Variants in CST5 observed in about 807,000 individuals in gnomAD.
CST5 encodes cystatin D, also known as cystatin-D.
Under a neutral mutation model 11.5 loss-of-function variants are expected in CST5, and 13 were observed. The ratio of observed to expected loss-of-function variants is 1.13; its 90% CI spans 0.73 to 1.79. CST5 has a LOEUF of 1.79. Among genes scored for constraint, CST5 ranks in the 40% most tolerant of loss-of-function variants. The pLI is 0.00. For synonymous variants in CST5, 81 were observed against 67.6 expected, an observed-to-expected ratio of 1.20 and a Z score of -0.97; for missense variants, 219 against 174.5, an observed-to-expected ratio of 1.25 and a Z score of -1.44.
chr20:23,879,516 T>C lies in CST5; in HGVS notation c.161A>G (p.Glu54Gly). The change falls in exon 1 of 3, where the codon GAG becomes GGG. Residue 54 changes from glutamate (E) to glycine (G), a missense_variant. By Grantham distance (98) the Glu-to-Gly change is moderately conservative (BLOSUM62 -2). Coordinates refer to ENST00000304710, the MANE Select transcript of CST5 (RefSeq NM_001900.5). ...VQCALDFAIS[E>G]YNKVINKDEY... ...ATCCTTATTAATGACCTTGTTGTACTCGCTGATGGCAAAGTCCAGGGCACA... is the reference window on the plus strand; with the variant it reads ...ATCCTTATTAATGACCTTGTTGTACCCGCTGATGGCAAAGTCCAGGGCACA... The C allele has an allele frequency of 6.2e-7, 1 of 1,614,022 alleles. No individual in the cohort carries two copies. Among genetic ancestry groups the C allele is most frequent in the Non-Finnish European group, 8.5e-7 (1 of 1,179,992 alleles).
At chr20:23,876,994 A>T (rs551175269) in intron 2 of CST5, among the ~76,000 whole-genome samples, 5 of 152,238 alleles carry the variant, frequency 3.3e-5, no homozygotes, top group Admixed American at 2.0e-4. Context: ...AACCATTACC[A>T]AGCTAAAGTC....
At chr20:23,878,026 G>A (rs1020599174) in intron 1 of CST5, among the ~76,000 whole-genome samples, 1 of 152,184 alleles carries the variant, frequency 6.6e-6, no homozygotes, top group Non-Finnish European at 1.5e-5. Context: ...CTTTCCCACA[G>A]CAAAGGATTA....
chr20:23,876,745 C>G (rs1001207326), intron 2 of CST5, among the ~76,000 whole-genome samples: 1 of 152,124 alleles, frequency 6.6e-6, no homozygotes, highest in Non-Finnish European at 1.5e-5. Context: ...GCAGAGACCT[C>G]GAAAGAAATC....
At chr20:23,876,845 A>T (rs543176952) in intron 2 of CST5, among the ~76,000 whole-genome samples, 1 of 152,302 alleles carries the variant, frequency 6.6e-6, no homozygotes, top group South Asian at 2.1e-4. Context: ...TAATGTGCTC[A>T]GAGTGGCTGT....
At chr20:23,878,706 G>A (rs576128727) in intron 1 of CST5, among the ~76,000 whole-genome samples, 2 of 152,308 alleles carry the variant, frequency 1.3e-5, no homozygotes, top group South Asian at 4.1e-4. Flanking sequence ...GACTTTCCAA[G>A]AGAAGGTGGA....
intron 1 of CST5, among the ~76,000 whole-genome samples, chr20:23,878,756 G>A (rs973108867): frequency 6.6e-6 from 1 of 152,216 alleles, no homozygotes; most frequent in South Asian, 2.1e-4. Context: ...CCCTGTGGTC[G>A]CTGTGTCACT....
At position 23,879,711 on chromosome 20, in the gene CST5, C is replaced by T. The variant is rs776219345; in HGVS notation, c.-35G>A. On this transcript the variant is annotated 5_prime_UTR_variant, in exon 1 of 3. Coordinates refer to ENST00000304710, the MANE Select transcript of CST5 (RefSeq NM_001900.5). The stretch of plus-strand genomic sequence containing the variant: ...GGACACAGAGCAAGGAGCTGGATCT[C>T]CCAGAGAGCAAAGCAGCAGAAGGCT... 2 of 1,591,268 alleles carry T rather than the reference C, an allele frequency of 1.3e-6. No individual in the cohort carries two copies. Among genetic ancestry groups the T allele is most frequent in the Non-Finnish European group, 8.6e-7 (1 of 1,163,466 alleles).
rs556090300 is a variant in CST5, at chr20:23,879,148, G to GCCCA, written c.231+294_231+297dup. ...TGGATCTCATCCTGAGCAGCATCAAGCCCACCCAGAGTCAGCACAGTCTCC... is the reference window on the plus strand; with the variant it reads ...TGGATCTCATCCTGAGCAGCATCAAGCCCACCCACCCAGAGTCAGCACAGTCTCC... On this transcript the variant is annotated intron_variant, in intron 1 of 2. Transcript: ENST00000304710. Among the ~76,000 whole-genome samples, 18 of 152,272 alleles carry GCCCA rather than the reference G, an allele frequency of 1.2e-4. No individual in the cohort carries two copies. In the East Asian group the frequency reaches 3.5e-3, roughly 29 times the overall value.
intron 1 of CST5, among the ~76,000 whole-genome samples, chr20:23,878,337 C>CA (rs1262455525): frequency 2.0e-5 from 3 of 152,166 alleles, no homozygotes; most frequent in Non-Finnish European, 4.4e-5. Context: ...AGGGTTGCAA[C>CA]TTCAGAAGAG....
At chr20:23,878,804 G>T (rs1986017953) in intron 1 of CST5, among the ~76,000 whole-genome samples, 1 of 152,222 alleles carries the variant, frequency 6.6e-6, no homozygotes, top group Admixed American at 6.5e-5. Flanking sequence ...GCTGGGCTCG[G>T]TAGCCCTGCT....
rs572425129 is a variant in CST5, at chr20:23,879,518, G to A, written c.159C>T (p.Ser53=). Residue 53 remains serine (S), a synonymous_variant, in exon 1 of 3, where the codon AGC becomes AGT. Transcript: ENST00000304710. The part of the protein sequence containing the change: ...SVQCALDFAI[S]EYNKVINKDE... ...CCTTATTAATGACCTTGTTGTACTCGCTGATGGCAAAGTCCAGGGCACACT... is the reference window on the plus strand; with the variant it reads ...CCTTATTAATGACCTTGTTGTACTCACTGATGGCAAAGTCCAGGGCACACT... The A allele has an allele frequency of 3.9e-5, 63 of 1,614,006 alleles. No individual in the cohort carries two copies. The highest frequency in any genetic ancestry group is 3.8e-4 in the East Asian group (17 of 44,870).
intron 1 of CST5, 96 bp downstream of exon 1, chr20:23,879,350 C>A (rs562681339): frequency 7.8e-6 from 7 of 892,000 alleles, no homozygotes; most frequent in Middle Eastern, 3.2e-4. Flanking sequence ...AATGAGTCTG[C>A]GGTTTAGATA....
In CST5 at chr20:23,876,230, C is replaced by A. The variant is rs1479693282; in HGVS notation, c.387G>T (p.Glu129Asp). 6.2e-7 allele frequency: 1 copy of A among 1,613,968 alleles called. No individual in the cohort carries two copies. The highest frequency in any genetic ancestry group is 1.7e-5 in the Admixed American group (1 of 60,026). The change falls in exon 3 of 3, where the codon GAG becomes GAT. Residue 129 changes from glutamate to aspartate, a missense_variant. Transcript: ENST00000304710. ...CSFQINEVPW[E>D]DKISILNYKC... The stretch of plus-strand genomic sequence containing the variant: ...TGTAGTTCAGAATGGAAATTTTATC[C>A]TCCCAGGGAACTTCATTGATCTGGA...
intron 1 of CST5, 32 bp from the exon 2 acceptor site, chr20:23,877,650 A>G: frequency 5.2e-6 from 8 of 1,547,328 alleles, no homozygotes; most frequent in South Asian, 2.3e-5. Context: ...AAGCAGGGGC[A>G]GCATGCTGTC....
chr20:23,877,432 C>T (rs1343110671), intron 2 of CST5, 73 bp downstream of exon 2: 11 of 1,165,680 alleles, frequency 9.4e-6, no homozygotes, highest in Non-Finnish European at 1.4e-5. Context: ...TGCGTGCACA[C>T]ACACATACAC....
intron 2 of CST5, among the ~76,000 whole-genome samples, chr20:23,876,961 G>A (rs1031588300): frequency 1.3e-5 from 2 of 152,130 alleles, no homozygotes; most frequent in Admixed American, 6.5e-5. Flanking sequence ...ACACCCCAAA[G>A]CAGGCAGAGT....
chr20:23,879,025 G>T (rs919574297), intron 1 of CST5, among the ~76,000 whole-genome samples: 2 of 152,222 alleles, frequency 1.3e-5, no homozygotes, highest in East Asian at 1.9e-4. Flanking sequence ...GCCCAGGGGC[G>T]TGACTTGGGA....
At chr20:23,879,208 T>C (rs1047252818) in intron 1 of CST5, among the ~76,000 whole-genome samples, 1 of 152,048 alleles carries the variant, frequency 6.6e-6, no homozygotes, top group Non-Finnish European at 1.5e-5. Context: ...AATGCCACAG[T>C]CATGGTACAG....
intron 1 of CST5, among the ~76,000 whole-genome samples, 162 bp downstream of exon 1, chr20:23,879,284 C>T (rs577059904): frequency 3.3e-5 from 5 of 152,150 alleles, no homozygotes; most frequent in Non-Finnish European, 4.4e-5. Context: ...CATGCACTCA[C>T]GGCCAAGGAG....
Sources: gnomAD v4.1 joint callset for allele counts (sites outside exome capture counted in the v4.1 genomes callset) on GRCh38, gnomAD v4.1.1 for gene constraint, MANE v1.5 for transcripts, NCBI Gene and HGNC (gene_info 2026-07-23, HGNC 2026-07-21) for gene names.